Variants in SV2B observed in about 807,000 individuals in gnomAD.
SV2B encodes synaptic vesicle glycoprotein 2B, also known as solute carrier family 22 member B2.
A neutral mutation model predicts 73.9 loss-of-function variants in SV2B; 41 were observed. The observed-to-expected ratio is 0.56, with a 90% confidence interval of 0.43 to 0.72. The LOEUF is 0.72. Among genes scored for constraint, SV2B ranks in the 30% least tolerant of loss-of-function variants. SV2B has a pLI of 0.00. For missense variants in SV2B, 764 were observed against 857.8 expected (o/e 0.89, Z 1.37); for synonymous variants, 314 against 314.2 (o/e 1.00, Z 0.01).
chr15:91,180,219 G>A (rs1009200826), intron 1 of SV2B, among the ~76,000 whole-genome samples: 11 of 152,060 alleles, frequency 7.2e-5, no homozygotes, highest in African/African-American at 2.7e-4. Context: ...TTGAATATTG[G>A]CCCCCGCTCT....
chr15:91,170,084 A>T (rs1259788539), intron 1 of SV2B, among the ~76,000 whole-genome samples: 4 of 152,156 alleles, frequency 2.6e-5, no homozygotes, highest in Non-Finnish European at 5.9e-5. Context: ...AACAATTTTT[A>T]AAAATTTCTG....
At chr15:91,264,485 G>A (rs555619436) in intron 6 of SV2B, among the ~76,000 whole-genome samples, 104 of 152,130 alleles carry the variant, frequency 6.8e-4, no homozygotes, top group Non-Finnish European at 1.3e-3. Context: ...TGCCTCATTT[G>A]GATTATTCCA....
chr15:91,269,222 C>T (rs977632676), intron 9 of SV2B, among the ~76,000 whole-genome samples: 11 of 152,190 alleles, frequency 7.2e-5, no homozygotes, highest in African/African-American at 2.7e-4. Flanking sequence ...TGAGATGGGC[C>T]ATCCGCCCTG....
In SV2B at chr15:91,141,043, C is replaced by T. The variant is rs1444450870; in HGVS notation, c.-392+40680C>T. Among the ~76,000 whole-genome samples the T allele has an allele frequency of 6.6e-6, 1 of 152,214 alleles. No homozygotes were observed. Among genetic ancestry groups the T allele is most frequent in the Non-Finnish European group, 1.5e-5 (1 of 68,036 alleles). On this transcript the variant is annotated intron_variant, in intron 1 of 12. Transcript: ENST00000394232. The surrounding 1 kb of genome is among the most constrained non-coding windows in gnomAD (Gnocchi z 4.6). The stretch of plus-strand genomic sequence containing the variant: ...AGAAGTGCTACAAGCACTCAGGTGG[C>T]AGGACTTATAGCTAAGAGTGGCATA...
intron 9 of SV2B, among the ~76,000 whole-genome samples, chr15:91,278,800 T>C (rs1168564989): frequency 6.6e-6 from 1 of 152,114 alleles, no homozygotes; most frequent in Non-Finnish European, 1.5e-5. Context: ...ATTTGTCTTT[T>C]GATTTACCTC....
chr15:91,113,673 T>C (rs1041345862), intron 1 of SV2B, among the ~76,000 whole-genome samples: 1 of 152,326 alleles, frequency 6.6e-6, no homozygotes, highest in African/African-American at 2.4e-5. Flanking sequence ...TTTTCCCTTT[T>C]CTTCTCTCAT....
chr15:91,283,944 A>T lies in SV2B; in HGVS notation c.1508-77A>T. ...ACAGCCTGCCTACAGGAGGGGGCAG[A>T]CTTCATCCCTGCCTCTGCCTTTCTC... On this transcript the variant is annotated intron_variant, in intron 10 of 12. Coordinates refer to ENST00000394232, the MANE Select transcript of SV2B (RefSeq NM_001323032.3). This position sits in a 1 kb window ranked among gnomAD's most constrained non-coding sequence, Gnocchi z 4.3. 6.7e-7 allele frequency: 1 copy of T among 1,501,658 alleles called. No individual in the cohort carries two copies. Among genetic ancestry groups the T allele is most frequent in the South Asian group, 1.2e-5 (1 of 85,790 alleles). 93.0% of individuals were successfully genotyped at this position (1,501,658 alleles called of 1,614,324 possible).
At chr15:91,270,890 T>TGATGGGAGGACGGTGAGTCCTGTGGAC (rs1567417869) in intron 9 of SV2B, among the ~76,000 whole-genome samples, 6 of 119,840 alleles carry the variant, frequency 5.0e-5, no homozygotes, top group African/African-American at 1.3e-4. Flanking sequence ...ATCTTGTGGA[T>TGATGGGAGGACGGTGAGTCCTGTGGAC]GATGGGAGGA....
At chr15:91,178,569 A>C (rs1442323645) in intron 1 of SV2B, among the ~76,000 whole-genome samples, 2 of 152,068 alleles carry the variant, frequency 1.3e-5, no homozygotes, top group Non-Finnish European at 2.9e-5. Context: ...ACAATTTCAG[A>C]TCCTGTTATT....
In SV2B at chr15:91,239,250, C is replaced by A. The variant is rs2046910242; in HGVS notation, c.451+12536C>A. 6.6e-6 allele frequency among the ~76,000 whole-genome samples: 1 copy of A among 151,866 alleles called. No individual in the cohort carries two copies. The highest frequency in any genetic ancestry group is 2.4e-5 in the African/African-American group (1 of 41,326). On this transcript the variant is annotated intron_variant, in intron 2 of 12. Transcript: ENST00000394232. This position sits in a 1 kb window ranked among gnomAD's most constrained non-coding sequence, Gnocchi z 5.1. ...TTCTGTTTCACCACTGGAGATTTTG[C>A]TGACTCAGAGGCATTCATCAATCTC... is the stretch of plus-strand genomic sequence containing the variant.
In SV2B at chr15:91,290,540, C is replaced by T. The variant is rs1395785561; in HGVS notation, c.1868+860C>T. ...TATGAGACCACTATAGACAAAAAGA[C>T]AATGTGGTCAGGTGGTCAGTAATAA... On this transcript the variant is annotated intron_variant, in intron 12 of 12. Coordinates refer to ENST00000394232, the MANE Select transcript of SV2B (RefSeq NM_001323032.3). The surrounding 1 kb of genome is among the most constrained non-coding windows in gnomAD (Gnocchi z 4.7). 6.6e-6 allele frequency among the ~76,000 whole-genome samples: 1 copy of T among 152,050 alleles called. No individual in the cohort carries two copies. The highest frequency in any genetic ancestry group is 2.4e-5 in the African/African-American group (1 of 41,378).
At chr15:91,174,579 G>C (rs111323665) in intron 1 of SV2B, among the ~76,000 whole-genome samples, 5 of 152,190 alleles carry the variant, frequency 3.3e-5, no homozygotes, top group East Asian at 1.9e-4. Context: ...AATAATATTC[G>C]TCATTAGGTG....
rs1198115553 is a variant in SV2B at position 91,241,891 on chromosome 15, A to G, written c.452-9928A>G. On this transcript the variant is annotated intron_variant, in intron 2 of 12. Transcript: ENST00000394232. The surrounding 1 kb of genome is among the most constrained non-coding windows in gnomAD (Gnocchi z 4.8). ...CACACATCTTTTCTATTCCCTTTCC[A>G]GTAAAATTCACTGAACCCAGTTCCT... 1.3e-5 allele frequency among the ~76,000 whole-genome samples: 2 copies of G among 152,178 alleles called. No homozygotes were observed. The highest frequency in any genetic ancestry group is 2.9e-5 in the Non-Finnish European group (2 of 68,024).
At chr15:91,187,792 A>G (rs953175813) in intron 1 of SV2B, among the ~76,000 whole-genome samples, 1 of 152,190 alleles carries the variant, frequency 6.6e-6, no homozygotes, top group African/African-American at 2.4e-5. Flanking sequence ...ACTAGGAAGC[A>G]GAACTTGGGA....
chr15:91,216,495 T>C (rs182791215), intron 1 of SV2B, among the ~76,000 whole-genome samples: 193 of 152,124 alleles, frequency 1.3e-3, no homozygotes, highest in African/African-American at 4.5e-3. Context: ...TTTTTTGAGA[T>C]GGAGTCTTGC....
In SV2B at chr15:91,266,693, G is replaced by A; in HGVS notation, c.1119+1G>A. 1 of 1,610,962 alleles carries A rather than the reference G, an allele frequency of 6.2e-7. No individual in the cohort carries two copies. The highest frequency in any genetic ancestry group is 8.5e-7 in the Non-Finnish European group (1 of 1,178,150). On this transcript the variant is annotated splice_donor_variant, in intron 7 of 12. Transcript: ENST00000394232. LOFTEE classifies it high-confidence loss of function. Reference sequence around the variant, plus strand: ...CAGATTCAAGACCATTTTCAAGCAGGTATGATTGGGAACTTACTTTGGATG... The same window carrying A: ...CAGATTCAAGACCATTTTCAAGCAGATATGATTGGGAACTTACTTTGGATG...
rs1162921494 is a variant in SV2B at position 91,298,121 on chromosome 15, G to C, written c.*5569G>C. 6.6e-6 allele frequency: 1 copy of C among 152,212 alleles called. No homozygotes were observed. The highest frequency in any genetic ancestry group is 2.4e-5 in the African/African-American group (1 of 41,442). The allele number at this position is 152,212 out of a possible 1,614,324, so 9.4% of individuals were successfully genotyped here. ...AGTCCACCTGAACGTGCCTGGAAAT[G>C]TCTCCCGAAAAGGATGAAAAGCCTC... On this transcript the variant is annotated 3_prime_UTR_variant, in exon 13 of 13. Transcript: ENST00000394232. This position sits in a 1 kb window ranked among gnomAD's most constrained non-coding sequence, Gnocchi z 5.4.
intron 1 of SV2B, among the ~76,000 whole-genome samples, chr15:91,108,526 T>C (rs2041951856): frequency 6.6e-6 from 1 of 152,254 alleles, no homozygotes; most frequent in Admixed American, 6.5e-5. Context: ...TATACGTATT[T>C]ATTAGATACA....
rs2047768182 is a variant in SV2B, at chr15:91,258,151, T to G, written c.785-270T>G. Among the ~76,000 whole-genome samples, 1 of 152,194 alleles carries G rather than the reference T, an allele frequency of 6.6e-6. No homozygotes were observed. The highest frequency in any genetic ancestry group is 2.4e-5 in the African/African-American group (1 of 41,454). On this transcript the variant is annotated intron_variant, in intron 4 of 12. Transcript: ENST00000394232. The surrounding 1 kb of genome is among the most constrained non-coding windows in gnomAD (Gnocchi z 4.7). ...GTCAGGCCAGGCCTGGACCTGGGGA[T>G]TTGTCAGAATGCAGAATTCCTGGGG...
Sources: allele counts gnomAD v4.1 joint callset (sites outside exome capture counted in the v4.1 genomes callset), GRCh38; gene constraint gnomAD v4.1.1; non-coding constraint Gnocchi (gnomAD v3.1); transcripts MANE v1.5; gene names NCBI Gene and HGNC (gene_info 2026-07-23, HGNC 2026-07-21).